PTPRD: variants seen among roughly 807,000 people sequenced by gnomAD.
The protein encoded by PTPRD is receptor-type tyrosine-protein phosphatase delta.
Under a neutral mutation model 214.5 loss-of-function variants are expected in PTPRD, and 34 were observed. That is an observed-to-expected ratio of 0.16 (90% CI 0.12 to 0.21). The LOEUF is 0.21. PTPRD is among the 10% of genes least tolerant of loss of function. The probability of loss-of-function intolerance (pLI) is 1.00; values close to 1 mark genes in which losing one functional copy is unlikely to be tolerated. For missense variants in PTPRD, 2,545 were observed against 2,398.7 expected, an observed-to-expected ratio of 1.06 and a Z score of -1.27; for synonymous variants, 1,128 against 845.7, an observed-to-expected ratio of 1.33 and a Z score of -5.79.
intron 7 of PTPRD, among the ~76,000 whole-genome samples, chr9:9,600,734 C>T (rs2093684949): frequency 6.6e-6 from 1 of 152,094 alleles, no homozygotes; most frequent in South Asian, 2.1e-4. Context: ...ACAATTATAA[C>T]AGAACCGTCC....
intron 7 of PTPRD, among the ~76,000 whole-genome samples, chr9:9,584,125 G>A (rs891519011): frequency 1.3e-5 from 2 of 151,908 alleles, no homozygotes; most frequent in East Asian, 3.9e-4. Context: ...CCAAAAACAT[G>A]CATCAGAAGC....
chr9:9,200,606 G>C (rs1270648082), intron 9 of PTPRD, among the ~76,000 whole-genome samples: 1 of 152,176 alleles, frequency 6.6e-6, no homozygotes, highest in African/African-American at 2.4e-5. Context: ...AACCAAGACT[G>C]TCTGTTGCAG....
intron 7 of PTPRD, among the ~76,000 whole-genome samples, chr9:9,575,200 C>T (rs906995670): frequency 8.5e-5 from 13 of 152,074 alleles, no homozygotes; most frequent in African/African-American, 1.9e-4. Flanking sequence ...ATACCATAAT[C>T]GTACTTTTTA....
chr9:8,552,555 G>C (rs2082417265), intron 14 of PTPRD, among the ~76,000 whole-genome samples: 2 of 152,236 alleles, frequency 1.3e-5, no homozygotes, highest in African/African-American at 4.8e-5. Flanking sequence ...CGCAGCTTCA[G>C]GAGAAGATTC....
At chr9:10,217,373 C>T (rs2099546583) in intron 3 of PTPRD, among the ~76,000 whole-genome samples, 1 of 151,754 alleles carries the variant, frequency 6.6e-6, no homozygotes, top group African/African-American at 2.4e-5. Context: ...CCAACTCAGC[C>T]TCCCCCTCCT....
intron 7 of PTPRD, among the ~76,000 whole-genome samples, chr9:9,719,258 G>T (rs2097891384): frequency 6.6e-6 from 1 of 152,046 alleles, no homozygotes; most frequent in Admixed American, 6.6e-5. Context: ...ACTTAATAAA[G>T]CTCCTCTCCA....
chr9:10,004,284 A>G (rs965969776), intron 4 of PTPRD, among the ~76,000 whole-genome samples: 1 of 151,998 alleles, frequency 6.6e-6, no homozygotes, highest in Admixed American at 6.6e-5. Context: ...ATTAGGCTAT[A>G]TTAAAGCCAC....
In PTPRD at chr9:10,450,912, T is replaced by C. The variant is rs73390326; in HGVS notation, c.-599-109895A>G. On this transcript the variant is annotated intron_variant, in intron 2 of 45. Transcript: ENST00000381196. Reference sequence around the variant, plus strand: ...ATAGAATTTCAACATTTTTAATCATTCTTAACACATTTGATTTATAAAAAT... The same window carrying C: ...ATAGAATTTCAACATTTTTAATCATCCTTAACACATTTGATTTATAAAAAT... Among the ~76,000 whole-genome samples, 1,519 of 152,072 alleles carry C rather than the reference T, an allele frequency of 1.0e-2. 37 individuals carry two copies. The highest frequency in any genetic ancestry group is 0.029 in the African/African-American group (1,198 of 41,348).
At chr9:9,304,831 C>T (rs771019661) in intron 9 of PTPRD, among the ~76,000 whole-genome samples, 23 of 151,066 alleles carry the variant, frequency 1.5e-4, no homozygotes, top group East Asian at 3.9e-4. Context: ...TTAATCTCCA[C>T]CCTCCAACGT....
At chr9:8,344,429 G>C (rs769582094) in intron 39 of PTPRD, among the ~76,000 whole-genome samples, 1 of 150,452 alleles carries the variant, frequency 6.6e-6, no homozygotes, top group African/African-American at 2.4e-5. Context: ...ACTCTAAACA[G>C]TATCAACCTT....
chr9:8,770,569 GAGA>G (rs2095129962), intron 11 of PTPRD, among the ~76,000 whole-genome samples: 3 of 152,118 alleles, frequency 2.0e-5, no homozygotes, highest in South Asian at 4.1e-4. Context: ...GAAACTGACT[GAGA>G]AGCTTTCACT....
chr9:10,265,940 A>G (rs2094023690), intron 3 of PTPRD, among the ~76,000 whole-genome samples: 1 of 152,250 alleles, frequency 6.6e-6, no homozygotes, highest in Non-Finnish European at 1.5e-5. Context: ...CACTGAATAG[A>G]ATAAGAAATG....
intron 4 of PTPRD, among the ~76,000 whole-genome samples, chr9:9,979,545 A>G (rs1051149460): frequency 1.3e-5 from 2 of 152,130 alleles, no homozygotes; most frequent in Non-Finnish European, 2.9e-5. Context: ...ATACAGTGAT[A>G]TATACAATTT....
chr9:9,202,781 G>A (rs2099942633), intron 9 of PTPRD, among the ~76,000 whole-genome samples: 1 of 152,110 alleles, frequency 6.6e-6, no homozygotes, highest in Non-Finnish European at 1.5e-5. Flanking sequence ...TCAGTTATGG[G>A]GACTTTATAG....
At chr9:8,564,411 T>C (rs1337741264) in intron 14 of PTPRD, among the ~76,000 whole-genome samples, 1 of 152,158 alleles carries the variant, frequency 6.6e-6, no homozygotes, top group East Asian at 1.9e-4. Flanking sequence ...TAAAAGTTGA[T>C]ATTCAGGCCG....
At chr9:9,291,921 CATGT>C (rs1951288411) in intron 9 of PTPRD, among the ~76,000 whole-genome samples, 2 of 149,508 alleles carry the variant, frequency 1.3e-5, no homozygotes, top group South Asian at 4.2e-4. Flanking sequence ...AAATGAATGT[CATGT>C]ATTATAAATT....
rs149025287 is a variant in PTPRD, at chr9:9,992,792, G to T, written c.-472+40926C>A. Among the ~76,000 whole-genome samples, 988 of 151,852 alleles carry T rather than the reference G, an allele frequency of 6.5e-3. 15 individuals carry two copies. The highest frequency in any genetic ancestry group is 0.021 in the African/African-American group (889 of 41,398). ...AGGGTGGGGAACATCACACACTGGG[G>T]CCTGCTGGGGGATGGGGAGAGGGGG... On this transcript the variant is annotated intron_variant, in intron 4 of 45. Coordinates refer to ENST00000381196, the MANE Select transcript of PTPRD (RefSeq NM_002839.4).
At chr9:9,829,349 A>G (rs1230007843) in intron 5 of PTPRD, among the ~76,000 whole-genome samples, 3 of 151,832 alleles carry the variant, frequency 2.0e-5, no homozygotes, top group Non-Finnish European at 4.4e-5. Context: ...CAAATAAAAC[A>G]AGTCCATATT....
rs549134823 is a variant in PTPRD, at chr9:9,633,077, T to C, written c.-286-58296A>G. 5.9e-5 allele frequency among the ~76,000 whole-genome samples: 9 copies of C among 152,202 alleles called. No individual in the cohort carries two copies. In the South Asian group the frequency reaches 6.2e-4, roughly 11 times the overall value. The stretch of plus-strand genomic sequence containing the variant: ...TGGGAGGTGGAGGCAGGTGGATCAC[T>C]TGAGGTCAGGAGTTCGAGACCATCC... On this transcript the variant is annotated intron_variant, in intron 7 of 45. Coordinates refer to ENST00000381196, the MANE Select transcript of PTPRD (RefSeq NM_002839.4).
Sources: allele counts gnomAD v4.1 joint callset (sites outside exome capture counted in the v4.1 genomes callset), GRCh38; gene constraint gnomAD v4.1.1; transcripts MANE v1.5; gene names NCBI Gene and HGNC (gene_info 2026-07-23, HGNC 2026-07-21).